LAMP1: variants seen among roughly 807,000 people sequenced by gnomAD.
LAMP1 encodes the protein lysosome-associated membrane glycoprotein 1.
LAMP1 carries 7 observed loss-of-function variants against 37.5 expected under a neutral mutation model. That is an observed-to-expected ratio of 0.19 (90% confidence interval 0.11 to 0.35). LAMP1 has a LOEUF of 0.35. Ranked by LOEUF, LAMP1 falls within the 10% of genes least tolerant of loss-of-function variation. The pLI, the probability that LAMP1 is intolerant of heterozygous loss-of-function variation, is 1.00. For synonymous variants in LAMP1, 236 were observed against 229.1 expected, an observed-to-expected ratio of 1.03 and a Z score of -0.27; for missense variants, 537 against 552.8, an observed-to-expected ratio of 0.97 and a Z score of 0.29.
intron 1 of LAMP1, chr13:113,305,456 C>T (rs2042593697): frequency 6.6e-6 from 1 of 152,206 alleles, no homozygotes. Flanking sequence ...TGTGTAATAA[C>T]GTGCAATTTG....
In LAMP1 at chr13:113,308,856, T is replaced by TAA. The variant is rs2042614378; in HGVS notation, c.184-786_184-785insAA. Among the ~76,000 whole-genome samples the TAA allele has an allele frequency of 2.0e-5, 3 of 152,352 alleles. No homozygotes were observed. The South Asian group carries it at 6.2e-4, about 32-fold the overall frequency. On this transcript the variant is annotated intron_variant, in intron 2 of 8. Transcript: ENST00000332556. ...TGTAGTTCATTTGACCTATCTAGTTTACTTTGATGAACATTAAGTGGTTTT... is the reference window on the plus strand; with the variant it reads ...TGTAGTTCATTTGACCTATCTAGTTTAAACTTTGATGAACATTAAGTGGTTTT...
chr13:113,299,644 C>T (rs927037706), intron 1 of LAMP1, among the ~76,000 whole-genome samples: 20 of 150,750 alleles, frequency 1.3e-4, no homozygotes, highest in Non-Finnish European at 2.1e-4. Context: ...TCTCCGTTCA[C>T]TGCAGCCTCC....
Position 113,323,332 on chromosome 13 carries a change from TCTC to T in LAMP1, c.*914_*916del, listed in dbSNP as rs1198226256. 1.3e-5 allele frequency: 2 copies of T among 152,160 alleles called. No individual in the cohort carries two copies. The highest frequency in any genetic ancestry group is 2.4e-5 in the African/African-American group (1 of 41,422). 9.4% of individuals were successfully genotyped at this position (152,160 alleles called of 1,614,324 possible). ...TGTGTACAATGTGAGATCGGTGCGT[TCTC>T]CTGATGTTTTGCCGTGGCTTGGGGA... On this transcript the variant is annotated 3_prime_UTR_variant, in exon 9 of 9. Transcript: ENST00000332556.
Position 113,320,356 on chromosome 13 carries a change from G to C in LAMP1, c.762G>C (p.Arg254Ser). 6.2e-7 allele frequency: 1 copy of C among 1,614,012 alleles called. No individual in the cohort carries two copies. The highest frequency in any genetic ancestry group is 1.7e-5 in the Admixed American group (1 of 60,020). The change falls in exon 6 of 9, where the codon AGG (arginine) becomes AGC (serine). Residue 254 changes from arginine to serine, a missense_variant. Arg to Ser is a moderately radical substitution (Grantham distance 110, BLOSUM62 -1). Coordinates refer to ENST00000332556, the MANE Select transcript of LAMP1 (RefSeq NM_005561.4). The surrounding 1 kb of genome is among the most constrained non-coding windows in gnomAD (Gnocchi z 4.4). Reference protein sequence around the residue: ...YERKDNTTVTRLLNINPNKTS... With the variant: ...YERKDNTTVTSLLNINPNKTS... ...CTTGTCTTATGCAGACGGTGACAAGGCTTCTCAACATCAACCCCAACAAGA... is the reference window on the plus strand; with the variant it reads ...CTTGTCTTATGCAGACGGTGACAAGCCTTCTCAACATCAACCCCAACAAGA...
chr13:113,308,481 C>T (rs1383266172), intron 2 of LAMP1, among the ~76,000 whole-genome samples: 3 of 151,444 alleles, frequency 2.0e-5, no homozygotes, highest in African/African-American at 4.9e-5. Context: ...TACAGGCATG[C>T]GCCCAGCTAA....
At chr13:113,299,074 A>C (rs1476458629) in intron 1 of LAMP1, among the ~76,000 whole-genome samples, 13 of 152,088 alleles carry the variant, frequency 8.5e-5, no homozygotes. Context: ...CGGGAAGCAG[A>C]GGTTGCAGTG....
intron 2 of LAMP1, among the ~76,000 whole-genome samples, chr13:113,307,933 T>G (rs1477616807): frequency 8.1e-6 from 1 of 123,746 alleles, no homozygotes; most frequent in African/African-American, 3.2e-5. Flanking sequence ...CACTCCAGCC[T>G]GGGTGACAGA....
chr13:113,321,178 A>T lies in LAMP1; in HGVS notation c.877-226A>T. ...CTGGGTGACAGAGCAAGACTCTCAG[A>T]GAAGGGTCTGGAAGGAACTAACCAA... On this transcript the variant is annotated intron_variant, in intron 6 of 8. Transcript: ENST00000332556. This position sits in a 1 kb window ranked among gnomAD's most constrained non-coding sequence, Gnocchi z 5.6. 1 of 519,314 alleles carries T rather than the reference A, an allele frequency of 1.9e-6. No homozygotes were observed. The highest frequency in any genetic ancestry group is 3.5e-6 in the Non-Finnish European group (1 of 288,070). The allele number at this position is 519,314 out of a possible 1,614,324, so 32.2% of individuals were successfully genotyped here. A position where few individuals can be genotyped will look rare whatever the true frequency, so the allele number is the denominator to read the frequency against.
At chr13:113,313,388 C>T (rs2042641669) in intron 4 of LAMP1, among the ~76,000 whole-genome samples, 1 of 152,250 alleles carries the variant, frequency 6.6e-6, no homozygotes, top group Non-Finnish European at 1.5e-5. Flanking sequence ...TGCGCATGTA[C>T]AGCCTTCCTC....
Position 113,297,543 on chromosome 13 carries a change from C to A in LAMP1, c.61+48C>A. 8.2e-6 allele frequency: 10 copies of A among 1,223,270 alleles called. No individual in the cohort carries two copies. Among genetic ancestry groups the A allele is most frequent in the Non-Finnish European group, 1.0e-5 (10 of 980,604 alleles). The allele number at this position is 1,223,270 out of a possible 1,614,324, so 75.8% of individuals were successfully genotyped here. On this transcript the variant is annotated intron_variant, in intron 1 of 8. Coordinates refer to ENST00000332556, the MANE Select transcript of LAMP1 (RefSeq NM_005561.4). This position sits in a 1 kb window ranked among gnomAD's most constrained non-coding sequence, Gnocchi z 4.4. ...TGGGAGCGGCGGGACCGGGCGGAGC[C>A]GAGGTCCCTGGGTCTTGAGGGCGGG... is the stretch of plus-strand genomic sequence containing the variant.
At chr13:113,319,351 T>C (rs2042684293) in intron 4 of LAMP1, 118 bp from the exon 5 acceptor site, 3 of 894,666 alleles carry the variant, frequency 3.4e-6, no homozygotes, top group East Asian at 2.6e-5. Context: ...ACTGAGAAAA[T>C]AGTCACCAAG....
rs779485504 is a variant in LAMP1 at position 113,321,617 on chromosome 13, C to A, written c.1004C>A (p.Ser335Tyr). ...GCGCTGCAGGCCACAGTCGGCAATT[C>A]CTACAAGTGCAACGCGGAGGAGCAC... ...LRALQATVGN[S>Y]YKCNAEEHVR... Residue 335 changes from serine to tyrosine, a missense_variant, in exon 8 of 9, where the codon TCC becomes TAC. Coordinates refer to ENST00000332556, the MANE Select transcript of LAMP1 (RefSeq NM_005561.4). The surrounding 1 kb of genome is among the most constrained non-coding windows in gnomAD (Gnocchi z 5.6). The A allele has an allele frequency of 6.2e-7, 1 of 1,614,058 alleles. No individual in the cohort carries two copies. The highest frequency in any genetic ancestry group is 1.3e-5 in the African/African-American group (1 of 74,922).
In LAMP1 at chr13:113,319,634, C is replaced by A; in HGVS notation, c.728C>A (p.Thr243Asn). The change falls in exon 5 of 9, where the codon ACC (threonine) becomes AAC (asparagine). Residue 243 changes from threonine (T) to asparagine (N), a missense_variant. Physicochemically the swap from Thr to Asn is moderately conservative, Grantham distance 65 (BLOSUM62 0). Transcript: ENST00000332556. ...AGCATGGGGCTGCAGCTGAACCTCA[C>A]CTATGAGAGGAAGGACAACACGGTA... Reference protein sequence around the residue: ...LASMGLQLNLTYERKDNTTVT... With the variant: ...LASMGLQLNLNYERKDNTTVT... The A allele has an allele frequency of 1.9e-6, 3 of 1,613,684 alleles. No homozygotes were observed. Among genetic ancestry groups the A allele is most frequent in the African/African-American group, 1.3e-5 (1 of 75,040 alleles).
intron 4 of LAMP1, among the ~76,000 whole-genome samples, chr13:113,311,617 C>T (rs1309701410): frequency 1.3e-5 from 2 of 152,168 alleles, no homozygotes; most frequent in East Asian, 3.9e-4. Flanking sequence ...GTCAGGGCTG[C>T]GATGATGTAC....
At chr13:113,313,648 G>A (rs1015251065) in intron 4 of LAMP1, among the ~76,000 whole-genome samples, 70 of 148,104 alleles carry the variant, frequency 4.7e-4, no homozygotes, top group Admixed American at 4.7e-3. Flanking sequence ...TGGCCTCCTG[G>A]AGGGAGTCAG....
At position 113,320,741 on chromosome 13, in the gene LAMP1, T is replaced by A; in HGVS notation, c.876+271T>A. The A allele has an allele frequency of 2.2e-6, 1 of 463,458 alleles. No homozygotes were observed. Among genetic ancestry groups the A allele is most frequent in the Non-Finnish European group, 3.9e-6 (1 of 257,304 alleles). The allele number at this position is 463,458 out of a possible 1,614,324, so 28.7% of individuals were successfully genotyped here. A position where few individuals can be genotyped will look rare whatever the true frequency, so the allele number is the denominator to read the frequency against. On this transcript the variant is annotated intron_variant, in intron 6 of 8. Coordinates refer to ENST00000332556, the MANE Select transcript of LAMP1 (RefSeq NM_005561.4). This position sits in a 1 kb window ranked among gnomAD's most constrained non-coding sequence, Gnocchi z 4.4. ...ATGCAGGCCGTGCGGCCTTCTGGCT[T>A]CAGATGCTGCTGCCCTGTGGTTCCG...
At chr13:113,313,405 C>G (rs1245993598) in intron 4 of LAMP1, among the ~76,000 whole-genome samples, 1 of 152,232 alleles carries the variant, frequency 6.6e-6, no homozygotes, top group African/African-American at 2.4e-5. Context: ...CCTCTGTGTC[C>G]AGATCCTGGA....
At chr13:113,298,555 T>G (rs1353005660) in intron 1 of LAMP1, among the ~76,000 whole-genome samples, 1 of 152,164 alleles carries the variant, frequency 6.6e-6, no homozygotes, top group Non-Finnish European at 1.5e-5. Context: ...CTTCTTTAAA[T>G]CCCTCAGTCC....
chr13:113,320,357 C>T lies in LAMP1; in HGVS notation c.763C>T (p.Leu255Phe). ...ERKDNTTVTR[L>F]LNINPNKTSA... ...TTGTCTTATGCAGACGGTGACAAGG[C>T]TTCTCAACATCAACCCCAACAAGAC... The change falls in exon 6 of 9, where the codon CTT (leucine) becomes TTT (phenylalanine). Residue 255 changes from leucine (L) to phenylalanine (F), a missense_variant. Physicochemically the swap from Leu to Phe is conservative, Grantham distance 22. Coordinates refer to ENST00000332556, the MANE Select transcript of LAMP1 (RefSeq NM_005561.4). This position sits in a 1 kb window ranked among gnomAD's most constrained non-coding sequence, Gnocchi z 4.4. 6.2e-7 allele frequency: 1 copy of T among 1,614,022 alleles called. No individual in the cohort carries two copies. Among genetic ancestry groups the T allele is most frequent in the South Asian group, 1.1e-5 (1 of 91,088 alleles).
Sources: gnomAD v4.1 joint callset for allele counts (sites outside exome capture counted in the v4.1 genomes callset) on GRCh38, gnomAD v4.1.1 for gene constraint, Gnocchi (gnomAD v3.1) non-coding constraint, MANE v1.5 for transcripts, NCBI Gene and HGNC (gene_info 2026-07-23, HGNC 2026-07-21) for gene names.